Variants in TFRC observed in about 807,000 individuals in gnomAD.
TFRC encodes transferrin receptor protein 1.
In TFRC, 35 loss-of-function variants were observed where a neutral mutation model predicts 85.8. The ratio of observed to expected loss-of-function variants is 0.41; its 90% CI spans 0.31 to 0.54. The LOEUF (loss-of-function observed/expected upper bound fraction) is 0.54. TFRC is among the 20% of genes least tolerant of loss of function. The pLI is 0.31. For synonymous variants in TFRC, 362 were observed against 328.6 expected, an observed-to-expected ratio of 1.10 and a Z score of -1.10; for missense variants, 828 against 921.5, an observed-to-expected ratio of 0.90 and a Z score of 1.31.
chr3:196,077,211 T>A, intron 1 of TFRC, 89 bp from the exon 2 acceptor site: 1 of 880,260 alleles, frequency 1.1e-6, no homozygotes, highest in Non-Finnish European at 1.8e-6. Context: ...ATACATTAAA[T>A]TTTTAAAATA....
intron 2 of TFRC, 96 bp downstream of exon 2, chr3:196,076,968 T>A: frequency 8.7e-7 from 1 of 1,143,770 alleles, no homozygotes; most frequent in African/African-American, 1.5e-5. Flanking sequence ...TACCTGATAA[T>A]AGATTGGGGT....
chr3:196,060,893 G>GC (rs1329080656), intron 13 of TFRC, among the ~76,000 whole-genome samples: 1 of 146,352 alleles, frequency 6.8e-6, no homozygotes, highest in African/African-American at 2.5e-5. Context: ...TAAATCCACT[G>GC]CCCCCACACA....
At position 196,077,067 on chromosome 3, in the gene TFRC, G is replaced by A; in HGVS notation, c.33C>T (p.Asn11=). The change falls in exon 2 of 19, where the codon AAC becomes AAT. Residue 11 remains asparagine, a synonymous_variant. Transcript: ENST00000360110. MMDQARSAFS[N]LFGGEPLSYT... is the part of the protein sequence containing the mutation. ...AATACAACTGAAAATATCTTACCAA[G>A]TTAGAGAATGCTGATCTAGCTTGAT... 1 of 1,613,638 alleles carries A rather than the reference G, an allele frequency of 6.2e-7. No homozygotes were observed. Among genetic ancestry groups the A allele is most frequent in the Non-Finnish European group, 8.5e-7 (1 of 1,179,696 alleles).
chr3:196,058,179 T>C (rs1716971491), intron 16 of TFRC, 105 bp downstream of exon 16: 2 of 868,256 alleles, frequency 2.3e-6, no homozygotes, highest in South Asian at 1.6e-5. Flanking sequence ...ATGTACATAG[T>C]TGACTATAGC....
chr3:196,068,059 A>G lies in TFRC; in HGVS notation c.873T>C (p.Val291=). ...IYMDQTKFPI[V]NAELSFFGHA... is the part of the protein sequence containing the mutation. Reference sequence around the variant, plus strand: ...GTCCAAAGAATGAAAGTTCTGCGTTAACAATGGGAAATTTAGTCTGGTCCA... The same window carrying G: ...GTCCAAAGAATGAAAGTTCTGCGTTGACAATGGGAAATTTAGTCTGGTCCA... Residue 291 remains valine, a synonymous_variant, in exon 8 of 19, where the codon GTT becomes GTC. Coordinates refer to ENST00000360110, the MANE Select transcript of TFRC (RefSeq NM_001128148.3). 1 of 1,613,332 alleles carries G rather than the reference A, an allele frequency of 6.2e-7. No individual in the cohort carries two copies. Among genetic ancestry groups the G allele is most frequent in the East Asian group, 2.2e-5 (1 of 44,852 alleles).
At chr3:196,071,039 T>G (rs1336893823) in intron 6 of TFRC, among the ~76,000 whole-genome samples, 1 of 152,162 alleles carries the variant, frequency 6.6e-6, no homozygotes, top group Non-Finnish European at 1.5e-5. Flanking sequence ...ACAGGGAGGA[T>G]ATGCATTTGT....
chr3:196,055,010 CAGGAACACAT>C, intron 17 of TFRC, 60 bp downstream of exon 17: 1 of 1,447,860 alleles, frequency 6.9e-7, no homozygotes, highest in Non-Finnish European at 9.6e-7. Context: ...CAGGAACACA[CAGGAACACAT>C]CACATTTCAA....
At chr3:196,056,309 G>T (rs1716790869) in intron 16 of TFRC, among the ~76,000 whole-genome samples, 1 of 152,138 alleles carries the variant, frequency 6.6e-6, no homozygotes, top group South Asian at 2.1e-4. Flanking sequence ...AATTATAGGT[G>T]TGAGTTACTG....
intron 4 of TFRC, among the ~76,000 whole-genome samples, chr3:196,073,702 G>C (rs1718419481): frequency 6.6e-6 from 1 of 152,080 alleles, no homozygotes; most frequent in Non-Finnish European, 1.5e-5. Context: ...AACATCAAGG[G>C]CCTATTAATT....
chr3:196,069,416 A>G (rs986604514), intron 7 of TFRC, 39 bp downstream of exon 7: 6 of 1,231,156 alleles, frequency 4.9e-6, no homozygotes, highest in Non-Finnish European at 7.0e-6. Flanking sequence ...GTAAGATACC[A>G]AAAGTACTGT....
intron 6 of TFRC, among the ~76,000 whole-genome samples, chr3:196,069,905 T>C (rs1223817410): frequency 6.6e-6 from 1 of 152,170 alleles, no homozygotes; most frequent in Non-Finnish European, 1.5e-5. Flanking sequence ...ATCATAGAAA[T>C]AGGTTTTAAC....
At chr3:196,068,385 G>A (rs1717905928) in intron 7 of TFRC, among the ~76,000 whole-genome samples, 1 of 152,076 alleles carries the variant, frequency 6.6e-6, no homozygotes, top group Non-Finnish European at 1.5e-5. Context: ...GGCTGAGGCA[G>A]GGGGATCACA....
chr3:196,072,254 C>T, intron 4 of TFRC, 102 bp from the exon 5 acceptor site: 1 of 1,437,610 alleles, frequency 7.0e-7, no homozygotes, highest in Non-Finnish European at 9.4e-7. Flanking sequence ...TATTATCCCT[C>T]ATAGTTCAGA....
rs1426730965 is a variant in TFRC at position 196,051,238 on chromosome 3, G to A, written c.*704C>T. Reference sequence around the variant, plus strand: ...AAACAAAAATAACAAAGAACTAAATGGAGGCTTATGGGGGAAGGGACAGAG... The same window carrying A: ...AAACAAAAATAACAAAGAACTAAATAGAGGCTTATGGGGGAAGGGACAGAG... On this transcript the variant is annotated 3_prime_UTR_variant, in exon 19 of 19. Coordinates refer to ENST00000360110, the MANE Select transcript of TFRC (RefSeq NM_001128148.3). 1 of 218,094 alleles carries A rather than the reference G, an allele frequency of 4.6e-6. No individual in the cohort carries two copies. The highest frequency in any genetic ancestry group is 9.2e-6 in the Non-Finnish European group (1 of 108,372). 13.5% of individuals were successfully genotyped at this position (218,094 alleles called of 1,614,324 possible).
intron 2 of TFRC, among the ~76,000 whole-genome samples, chr3:196,076,343 A>G: frequency 6.6e-6 from 1 of 151,120 alleles, no homozygotes; most frequent in Non-Finnish European, 1.5e-5. Flanking sequence ...TGGGCTTGCT[A>G]TGTTGCCCAG....
intron 13 of TFRC, among the ~76,000 whole-genome samples, chr3:196,061,783 C>G (rs903813304): frequency 3.9e-5 from 6 of 152,198 alleles, no homozygotes; most frequent in Non-Finnish European, 8.8e-5. Flanking sequence ...ACCACTGCGC[C>G]CAGCCCAAAA....
At chr3:196,054,194 C>T (rs992654670) in intron 17 of TFRC, among the ~76,000 whole-genome samples, 7 of 151,214 alleles carry the variant, frequency 4.6e-5, no homozygotes, top group Non-Finnish European at 8.8e-5. Context: ...GCCGAGATCT[C>T]GCCACTGCAC....
intron 3 of TFRC, 46 bp downstream of exon 3, chr3:196,075,113 A>G: frequency 6.6e-7 from 1 of 1,523,740 alleles, no homozygotes; most frequent in South Asian, 1.1e-5. Context: ...CAGACTTCCC[A>G]GAGTTGGTTA....
chr3:196,065,863 G>A (rs530850873), intron 9 of TFRC, among the ~76,000 whole-genome samples: 55 of 151,934 alleles, frequency 3.6e-4, no homozygotes, highest in South Asian at 2.5e-3. Flanking sequence ...GGTGGCATGC[G>A]CCTGTAATCC....
Sources: gnomAD v4.1 joint callset for allele counts (sites outside exome capture counted in the v4.1 genomes callset) on GRCh38, gnomAD v4.1.1 for gene constraint, MANE v1.5 for transcripts, NCBI Gene and HGNC (gene_info 2026-07-23, HGNC 2026-07-21) for gene names.